Variants in MECOM observed in about 807,000 individuals in gnomAD.
MECOM encodes histone-lysine N-methyltransferase MECOM.
Under a neutral mutation model 116.3 loss-of-function variants are expected in MECOM, and 13 were observed. The ratio of observed to expected loss-of-function variants is 0.11; its 90% CI spans 0.07 to 0.18. The LOEUF is 0.18. MECOM is among the 10% of genes least tolerant of loss of function. The pLI is 1.00. For missense variants in MECOM, 1,299 were observed against 1,509.0 expected (o/e 0.86, Z 2.31); for synonymous variants, 528 against 535.2 (o/e 0.99, Z 0.19).
intron 2 of MECOM, among the ~76,000 whole-genome samples, chr3:169,272,744 G>A (rs180901326): frequency 1.5e-3 from 234 of 152,194 alleles, no homozygotes; most frequent in African/African-American, 4.9e-3. Context: ...AAAGTCACTG[G>A]CTGCACATTC....
At chr3:169,144,263 AT>A (rs11312167) in intron 2 of MECOM, among the ~76,000 whole-genome samples, 93,898 of 151,710 alleles carry the variant, frequency 0.62, 29,675 homozygotes, top group African/African-American at 0.73. Context: ...TTCCATCTAA[AT>A]TTTTTTTTCA....
intron 2 of MECOM, among the ~76,000 whole-genome samples, chr3:169,201,302 G>T (rs1002008030): frequency 2.6e-5 from 4 of 151,878 alleles, no homozygotes; most frequent in Admixed American, 2.6e-4. Context: ...ATAAAATTCA[G>T]AAAGAGAAAA....
chr3:169,526,063 A>G (rs1254285036), intron 1 of MECOM, among the ~76,000 whole-genome samples: 2 of 152,140 alleles, frequency 1.3e-5, no homozygotes, highest in African/African-American at 4.8e-5. Context: ...ATACTAACCA[A>G]TAGCAGTAAA....
At chr3:169,376,800 C>T (rs545343531) in intron 2 of MECOM, among the ~76,000 whole-genome samples, 1 of 152,270 alleles carries the variant, frequency 6.6e-6, no homozygotes, top group East Asian at 1.9e-4. Context: ...CTACCATTGA[C>T]TTTCTTCACA....
At chr3:169,091,581 G>C (rs1719735395) in intron 14 of MECOM, among the ~76,000 whole-genome samples, 1 of 151,964 alleles carries the variant, frequency 6.6e-6, no homozygotes, top group Non-Finnish European at 1.5e-5. Context: ...TTGCTACTTT[G>C]TCCTTCTGAT....
chr3:169,548,062 A>G (rs1760943064), intron 1 of MECOM, among the ~76,000 whole-genome samples: 2 of 152,246 alleles, frequency 1.3e-5, no homozygotes, highest in African/African-American at 2.4e-5. Context: ...CAATTTCATT[A>G]TCTTTTCCCC....
chr3:169,372,176 G>A (rs1049868841), intron 2 of MECOM, among the ~76,000 whole-genome samples: 3 of 152,018 alleles, frequency 2.0e-5, no homozygotes, highest in East Asian at 3.9e-4. Context: ...ATGTATGTTC[G>A]AAAGAAGAAA....
chr3:169,285,113 C>T lies in MECOM; in HGVS notation c.375+96074G>A, dbSNP rs149569489. On this transcript the variant is annotated intron_variant, in intron 2 of 16. Transcript: ENST00000651503. ...AAAATTTTTTTTAACTTCTTCTTAC[C>T]GAGTATTGGACTTTGAATTCCTCTC... Among the ~76,000 whole-genome samples, 425 of 152,150 alleles carry T rather than the reference C, an allele frequency of 2.8e-3. 1 individual carries two copies. The highest frequency in any genetic ancestry group is 9.6e-3 in the African/African-American group (398 of 41,496).
chr3:169,604,227 C>T (rs531874328), intron 1 of MECOM, among the ~76,000 whole-genome samples: 5 of 151,900 alleles, frequency 3.3e-5, no homozygotes, highest in South Asian at 4.1e-4. Context: ...AGAAATCTCT[C>T]TCTCTCTCTC....
intron 2 of MECOM, among the ~76,000 whole-genome samples, chr3:169,360,319 C>CAAAAAAAAAAAAAAAAAAAAAAAAAAAAA: frequency 2.3e-5 from 2 of 87,840 alleles, no homozygotes; most frequent in African/African-American, 8.7e-5. Flanking sequence ...AAAGTTACAC[C>CAAAAAAAAAAAAAAAAAAAAAAAAAAAAA]AAAAAAAAAA....
chr3:169,622,009 G>A (rs1189883107), intron 1 of MECOM, among the ~76,000 whole-genome samples: 1 of 152,164 alleles, frequency 6.6e-6, no homozygotes, highest in Non-Finnish European at 1.5e-5. Flanking sequence ...TTTAAAAGAT[G>A]ATAATCTGTA....
intron 2 of MECOM, among the ~76,000 whole-genome samples, chr3:169,331,382 G>T (rs952119391): frequency 6.6e-6 from 1 of 151,906 alleles, no homozygotes; most frequent in African/African-American, 2.4e-5. Context: ...CAGTGGTTTT[G>T]AATATGAACT....
intron 2 of MECOM, among the ~76,000 whole-genome samples, chr3:169,311,441 A>G (rs1350412900): frequency 6.6e-6 from 1 of 152,192 alleles, no homozygotes; most frequent in African/African-American, 2.4e-5. Context: ...TGATATACCT[A>G]TCTAAGCAAA....
chr3:169,256,601 G>T (rs974144677), intron 2 of MECOM, among the ~76,000 whole-genome samples: 19 of 152,220 alleles, frequency 1.2e-4, no homozygotes, highest in African/African-American at 4.6e-4. Flanking sequence ...CAGATTTCAA[G>T]TGGGCAAAAG....
At chr3:169,408,371 GA>G (rs1737029417) in intron 1 of MECOM, among the ~76,000 whole-genome samples, 1 of 152,174 alleles carries the variant, frequency 6.6e-6, no homozygotes, top group Non-Finnish European at 1.5e-5. Context: ...ATCGACATGC[GA>G]GGTAGGAAAC....
chr3:169,359,548 A>G (rs994038747), intron 2 of MECOM, among the ~76,000 whole-genome samples: 2 of 151,662 alleles, frequency 1.3e-5, no homozygotes, highest in African/African-American at 2.4e-5. Flanking sequence ...AATCCTAACA[A>G]CTCATGATTT....
At chr3:169,355,118 T>C (rs1445344344) in intron 2 of MECOM, among the ~76,000 whole-genome samples, 1 of 151,980 alleles carries the variant, frequency 6.6e-6, no homozygotes, top group Non-Finnish European at 1.5e-5. Context: ...TGGCTCACAA[T>C]AGATCTGAGC....
chr3:169,479,652 TAAAAAA>T (rs3042768), intron 1 of MECOM, among the ~76,000 whole-genome samples: 47 of 126,688 alleles, frequency 3.7e-4, no homozygotes, highest in African/African-American at 6.3e-4. Context: ...TTCTCTTACC[TAAAAAA>T]AAAAAAAAAA....
At chr3:169,578,892 G>C (rs917667667) in intron 1 of MECOM, among the ~76,000 whole-genome samples, 3 of 152,030 alleles carry the variant, frequency 2.0e-5, no homozygotes, top group Non-Finnish European at 4.4e-5. Context: ...TTTCAGATTT[G>C]GGTAAGACCA....
Sources: gnomAD v4.1 joint callset for allele counts (sites outside exome capture counted in the v4.1 genomes callset) on GRCh38, gnomAD v4.1.1 for gene constraint, MANE v1.5 for transcripts, NCBI Gene and HGNC (gene_info 2026-07-23, HGNC 2026-07-21) for gene names.